The following SGCZ variants were observed in gnomAD, a reference collection of about 807,000 sequenced individuals.
SGCZ encodes the protein zeta-sarcoglycan.
In SGCZ, 40 loss-of-function variants were observed where a neutral mutation model predicts 41.3. The ratio of observed to expected loss-of-function variants is 0.97; its 90% CI spans 0.75 to 1.26. The LOEUF is 1.26. Among genes scored for constraint, SGCZ ranks in the 50% most tolerant of loss-of-function variants. The pLI, the probability that SGCZ is intolerant of heterozygous loss-of-function variation, is 0.00. For synonymous variants in SGCZ, 206 were observed against 137.5 expected (o/e 1.50, Z -3.49); for missense variants, 552 against 369.8 (o/e 1.49, Z -4.04).
chr8:14,831,648 A>G lies in SGCZ; in HGVS notation c.40-276722T>C, dbSNP rs977220789. Among the ~76,000 whole-genome samples, 19 of 135,800 alleles carry G rather than the reference A, an allele frequency of 1.4e-4. No homozygotes were observed. The East Asian group carries it at 2.8e-3, about 20-fold the overall frequency. 89.1% of individuals were successfully genotyped at this position (135,800 alleles called of 152,430 possible). On this transcript the variant is annotated intron_variant, in intron 1 of 7. Coordinates refer to ENST00000382080, the MANE Select transcript of SGCZ (RefSeq NM_139167.4). ...TAGACACATATGTGTGTGTGTGTATATATATATATATACATACACTTGTCT... is the reference window on the plus strand; with the variant it reads ...TAGACACATATGTGTGTGTGTGTATGTATATATATATACATACACTTGTCT...
intron 5 of SGCZ, among the ~76,000 whole-genome samples, chr8:14,113,063 A>G (rs1459520332): frequency 6.6e-6 from 1 of 152,132 alleles, no homozygotes; most frequent in Non-Finnish European, 1.5e-5. Flanking sequence ...TATTTTAATA[A>G]TCTAAGTGGT....
chr8:14,632,601 T>G (rs900077053), intron 1 of SGCZ, among the ~76,000 whole-genome samples: 4 of 151,894 alleles, frequency 2.6e-5, no homozygotes, highest in African/African-American at 9.7e-5. Context: ...CAATTCTTAG[T>G]TGAATATTTA....
rs187656722 is a variant in SGCZ at position 14,237,045 on chromosome 8, G to C, written c.424+547C>G. On this transcript the variant is annotated intron_variant, in intron 4 of 7. Transcript: ENST00000382080. ...ATGCAATTTCTAATTTATATAAGCA[G>C]ATACAATTTATTAGAAAATATTTCC... 2.0e-5 allele frequency among the ~76,000 whole-genome samples: 3 copies of C among 152,010 alleles called. No individual in the cohort carries two copies. In the East Asian group the frequency reaches 5.8e-4, roughly 29 times the overall value.
intron 1 of SGCZ, among the ~76,000 whole-genome samples, chr8:14,652,289 C>G (rs2117458425): frequency 8.7e-6 from 1 of 114,874 alleles, no homozygotes; most frequent in Non-Finnish European, 1.6e-5. Flanking sequence ...TGCGGTGAGC[C>G]AAGATCATGT....
At chr8:15,154,623 G>C (rs1261775176) in intron 1 of SGCZ, among the ~76,000 whole-genome samples, 3 of 152,206 alleles carry the variant, frequency 2.0e-5, no homozygotes, top group African/African-American at 7.2e-5. Context: ...TGAGTTGTAA[G>C]TAACAGGTGA....
chr8:15,197,846 C>T (rs932660177), intron 1 of SGCZ, among the ~76,000 whole-genome samples: 1 of 151,694 alleles, frequency 6.6e-6, no homozygotes, highest in African/African-American at 2.4e-5. Context: ...AAATTATACG[C>T]ACACACATAC....
intron 3 of SGCZ, among the ~76,000 whole-genome samples, chr8:14,290,132 G>A (rs570041599): frequency 8.3e-4 from 127 of 152,106 alleles, no homozygotes; most frequent in African/African-American, 2.9e-3. Context: ...GTGACACAGA[G>A]CCAAACTGTA....
At chr8:14,372,020 T>C (rs1355482970) in intron 2 of SGCZ, among the ~76,000 whole-genome samples, 1 of 151,838 alleles carries the variant, frequency 6.6e-6, no homozygotes, top group Non-Finnish European at 1.5e-5. Context: ...GCCATGAAGA[T>C]TCAAAGAAGA....
chr8:14,319,230 T>TA (rs200954165), intron 3 of SGCZ, among the ~76,000 whole-genome samples: 1,756 of 151,998 alleles, frequency 0.012, 24 homozygotes, highest in Non-Finnish European at 0.014. Flanking sequence ...GGCAAAAATA[T>TA]AGCAGGCATC....
rs562478485 is a variant in SGCZ at position 14,399,970 on chromosome 8, TG to T, written c.235-75767del. On this transcript the variant is annotated intron_variant, in intron 2 of 7. Coordinates refer to ENST00000382080, the MANE Select transcript of SGCZ (RefSeq NM_139167.4). Reference sequence around the variant, plus strand: ...ACCTGGTTACTACTCACAGAAAGCCTGTGCTCATTAGCTATCAGTTCCCATT... The same window carrying T: ...ACCTGGTTACTACTCACAGAAAGCCTTGCTCATTAGCTATCAGTTCCCATT... Among the ~76,000 whole-genome samples, 266 of 152,208 alleles carry T rather than the reference TG, an allele frequency of 1.7e-3. 1 individual carries two copies. Among genetic ancestry groups the T allele is most frequent in the Middle Eastern group, 3.4e-3 (1 of 294 alleles).
chr8:14,686,897 C>A (rs1231175593), intron 1 of SGCZ, among the ~76,000 whole-genome samples: 1 of 152,008 alleles, frequency 6.6e-6, no homozygotes, highest in African/African-American at 2.4e-5. Flanking sequence ...AACAAACCAT[C>A]ATTAACATTT....
chr8:14,871,635 C>T (rs896437020), intron 1 of SGCZ, among the ~76,000 whole-genome samples: 8 of 151,842 alleles, frequency 5.3e-5, no homozygotes, highest in African/African-American at 1.9e-4. Context: ...GAAACCCCAT[C>T]TCTACTAAAA....
intron 1 of SGCZ, among the ~76,000 whole-genome samples, chr8:14,619,827 TAC>T (rs1806225301): frequency 2.6e-5 from 4 of 152,118 alleles, no homozygotes; most frequent in Non-Finnish European, 5.9e-5. Flanking sequence ...CATGCTCATG[TAC>T]AGGAAGAATC....
rs1031679646 is a variant in SGCZ at position 14,607,200 on chromosome 8, A to T, written c.40-52274T>A. 2.0e-5 allele frequency among the ~76,000 whole-genome samples: 3 copies of T among 152,190 alleles called. No individual in the cohort carries two copies. In the South Asian group the frequency reaches 6.2e-4, roughly 32 times the overall value. ...AATTTATACATACATACAAAACAAC[A>T]GACATATACTGAAAATTAAATAAAA... On this transcript the variant is annotated intron_variant, in intron 1 of 7. Transcript: ENST00000382080.
chr8:14,826,988 T>C (rs1802348423), intron 1 of SGCZ, among the ~76,000 whole-genome samples: 1 of 152,058 alleles, frequency 6.6e-6, no homozygotes, highest in Non-Finnish European at 1.5e-5. Flanking sequence ...CTTTTGGTGT[T>C]TTAGACATGA....
intron 1 of SGCZ, among the ~76,000 whole-genome samples, chr8:14,596,599 T>A (rs972524264): frequency 6.6e-6 from 1 of 152,150 alleles, no homozygotes; most frequent in Admixed American, 6.5e-5. Flanking sequence ...CTACAGTAAT[T>A]GCAGCAATTT....
intron 1 of SGCZ, among the ~76,000 whole-genome samples, chr8:15,046,399 C>T (rs1174139285): frequency 6.6e-6 from 1 of 151,930 alleles, no homozygotes; most frequent in Non-Finnish European, 1.5e-5. Context: ...TCACTTATAT[C>T]AACACAACCT....
At chr8:14,635,647 G>A (rs1806803374) in intron 1 of SGCZ, among the ~76,000 whole-genome samples, 1 of 151,426 alleles carries the variant, frequency 6.6e-6, no homozygotes, top group Admixed American at 6.6e-5. Flanking sequence ...TTAATCCTCA[G>A]TTTGTCCAAC....
chr8:15,057,311 T>C (rs1804749873), intron 1 of SGCZ, among the ~76,000 whole-genome samples: 1 of 152,174 alleles, frequency 6.6e-6, no homozygotes, highest in Non-Finnish European at 1.5e-5. Flanking sequence ...ATCATTTTCT[T>C]TTCAGGGACT....
Sources: allele counts gnomAD v4.1 joint callset (sites outside exome capture counted in the v4.1 genomes callset), GRCh38; gene constraint gnomAD v4.1.1; transcripts MANE v1.5; gene names NCBI Gene and HGNC (gene_info 2026-07-23, HGNC 2026-07-21).